Variants in UBE2H observed in about 807,000 individuals in gnomAD.
UBE2H encodes ubiquitin-conjugating enzyme E2 H.
In UBE2H, 3 loss-of-function variants were observed where a neutral mutation model predicts 29.0. The observed-to-expected ratio is 0.10, with a 90% CI of 0.05 to 0.27. UBE2H has a LOEUF of 0.27. UBE2H is among the 10% of genes least tolerant of loss of function. UBE2H has a pLI of 1.00. For synonymous variants in UBE2H, 69 were observed against 82.9 expected (o/e 0.83, Z 0.91); for missense variants, 68 against 228.2 (o/e 0.30, Z 4.52).
intron 3 of UBE2H, among the ~76,000 whole-genome samples, chr7:129,866,385 C>CA (rs1339777274): frequency 1.3e-5 from 2 of 152,200 alleles, no homozygotes; most frequent in African/African-American, 4.8e-5. Flanking sequence ...AGTGGATTAT[C>CA]AAAACCTCTG....
chr7:129,900,037 G>A (rs1472839234), intron 1 of UBE2H, among the ~76,000 whole-genome samples: 4 of 152,000 alleles, frequency 2.6e-5, no homozygotes, highest in Admixed American at 6.6e-5. Context: ...GGCTGAGGCA[G>A]GAGAATCGCT....
chr7:129,868,551 C>A lies in UBE2H; in HGVS notation c.206-9610G>T, dbSNP rs1805960238. Among the ~76,000 whole-genome samples, 3 of 129,088 alleles carry A rather than the reference C, an allele frequency of 2.3e-5. No individual in the cohort carries two copies. In the South Asian group the frequency reaches 7.5e-4, roughly 32 times the overall value. The allele number at this position is 129,088 out of a possible 152,430, so 84.7% of individuals were successfully genotyped here. ...GCCGAGATTGCGCCACTGCAGTCCG[C>A]AGTCCGGCCTGGGCGACAGAGCGAG... On this transcript the variant is annotated intron_variant, in intron 3 of 6. Coordinates refer to ENST00000355621, the MANE Select transcript of UBE2H (RefSeq NM_003344.4).
intron 4 of UBE2H, 108 bp from the exon 5 acceptor site, chr7:129,857,671 G>GA (rs1805730245): frequency 1.5e-5 from 18 of 1,187,858 alleles, no homozygotes; most frequent in African/African-American, 1.6e-5. Context: ...ATAGATCTGT[G>GA]AAAAAAAGAA....
intron 3 of UBE2H, among the ~76,000 whole-genome samples, chr7:129,869,943 T>C (rs1421463576): frequency 6.6e-6 from 1 of 152,208 alleles, no homozygotes; most frequent in Admixed American, 6.5e-5. Flanking sequence ...CCATGACTGT[T>C]ACATTTTACC....
intron 1 of UBE2H, among the ~76,000 whole-genome samples, chr7:129,899,778 G>A (rs1422386355): frequency 1.3e-5 from 2 of 152,128 alleles, no homozygotes; most frequent in Non-Finnish European, 2.9e-5. Context: ...AAACAACAAG[G>A]AGTAGTATTT....
chr7:129,891,119 G>A (rs1584768926), intron 1 of UBE2H, among the ~76,000 whole-genome samples: 1 of 147,496 alleles, frequency 6.8e-6, no homozygotes, highest in Non-Finnish European at 1.5e-5. Flanking sequence ...CTGGGTGACA[G>A]AGCAAGACTC....
intron 2 of UBE2H, among the ~76,000 whole-genome samples, chr7:129,879,972 C>A (rs1806222322): frequency 6.6e-6 from 1 of 152,086 alleles, no homozygotes; most frequent in Non-Finnish European, 1.5e-5. Flanking sequence ...CCCTCCAAGG[C>A]CAAAAAGAAA....
intron 5 of UBE2H, among the ~76,000 whole-genome samples, chr7:129,840,898 T>C (rs1805416849): frequency 6.6e-6 from 1 of 152,216 alleles, no homozygotes; most frequent in African/African-American, 2.4e-5. Context: ...TGCTTGAGAT[T>C]TGTGGTTCTC....
At chr7:129,912,779 C>T (rs1286720977) in intron 1 of UBE2H, among the ~76,000 whole-genome samples, 1 of 152,192 alleles carries the variant, frequency 6.6e-6, no homozygotes, top group Non-Finnish European at 1.5e-5. Flanking sequence ...CAAAGCCTAT[C>T]CCTATTTCCT....
intron 5 of UBE2H, among the ~76,000 whole-genome samples, chr7:129,854,059 A>AGGTTTTTT: frequency 8.9e-6 from 1 of 112,640 alleles, no homozygotes; most frequent in Non-Finnish European, 1.8e-5. Context: ...ATTTAGTGTT[A>AGGTTTTTT]GTTTTTTTTT....
chr7:129,914,277 C>T (rs1806999903), intron 1 of UBE2H, among the ~76,000 whole-genome samples: 1 of 152,088 alleles, frequency 6.6e-6, no homozygotes. Flanking sequence ...AAGCGATTCT[C>T]CTGCCTCAGC....
chr7:129,842,847 G>A (rs189044488), intron 5 of UBE2H, among the ~76,000 whole-genome samples: 7 of 152,196 alleles, frequency 4.6e-5, no homozygotes, highest in Middle Eastern at 3.4e-3. Context: ...AGTTTGCAGT[G>A]AGCCCAGACT....
Position 129,952,865 on chromosome 7 carries a change from G to A in UBE2H, c.-310C>T. The A allele has an allele frequency of 8.9e-6, 2 of 225,084 alleles. No homozygotes were observed. Among genetic ancestry groups the A allele is most frequent in the Non-Finnish European group, 1.7e-5 (2 of 116,462 alleles). 13.9% of individuals were successfully genotyped at this position (225,084 alleles called of 1,614,324 possible). ...CCCTCCTGCCTGCTGTGGCTCGCTCGCCTGCTCCCCACTCACCCTCTGACC... is the reference window on the plus strand; with the variant it reads ...CCCTCCTGCCTGCTGTGGCTCGCTCACCTGCTCCCCACTCACCCTCTGACC... On this transcript the variant is annotated 5_prime_UTR_variant, in exon 1 of 7. Transcript: ENST00000355621.
At chr7:129,935,832 A>G (rs1807517247) in intron 1 of UBE2H, among the ~76,000 whole-genome samples, 1 of 152,138 alleles carries the variant, frequency 6.6e-6, no homozygotes, top group Non-Finnish European at 1.5e-5. Flanking sequence ...GTTTTTTTCT[A>G]TCAATAATAA....
At chr7:129,864,898 TA>T in intron 3 of UBE2H, 1 of 236,370 alleles carries the variant, frequency 4.2e-6, no homozygotes, top group South Asian at 4.7e-5. Flanking sequence ...TTGACCAGAT[TA>T]AAATCAGAAC....
intron 1 of UBE2H, among the ~76,000 whole-genome samples, chr7:129,895,726 C>T (rs994490624): frequency 1.3e-5 from 2 of 151,992 alleles, no homozygotes; most frequent in African/African-American, 2.4e-5. Flanking sequence ...CAGTGAAACC[C>T]CGTCTCTACT....
intron 1 of UBE2H, among the ~76,000 whole-genome samples, chr7:129,930,256 G>A (rs1302299532): frequency 6.6e-6 from 1 of 152,002 alleles, no homozygotes; most frequent in African/African-American, 2.4e-5. Context: ...CTGCCTCCTG[G>A]GTTCAAGTAA....
intron 1 of UBE2H, among the ~76,000 whole-genome samples, chr7:129,941,032 G>A (rs993143499): frequency 6.6e-6 from 1 of 151,972 alleles, no homozygotes; most frequent in African/African-American, 2.4e-5. Context: ...TCAGCTCACT[G>A]CAACCTCCAC....
At chr7:129,859,256 T>C (rs1177000610) in intron 3 of UBE2H, among the ~76,000 whole-genome samples, 1 of 152,244 alleles carries the variant, frequency 6.6e-6, no homozygotes, top group African/African-American at 2.4e-5. Flanking sequence ...AAATGGTTCA[T>C]AGCCAGTGTC....
Sources: gnomAD v4.1 joint callset for allele counts (sites outside exome capture counted in the v4.1 genomes callset) on GRCh38, gnomAD v4.1.1 for gene constraint, MANE v1.5 for transcripts, NCBI Gene and HGNC (gene_info 2026-07-23, HGNC 2026-07-21) for gene names.